POMT2: variants seen among roughly 807,000 people sequenced by gnomAD.
POMT2 encodes protein O-mannosyl-transferase 2.
In POMT2, 75 loss-of-function variants were observed where a neutral mutation model predicts 100.0. That is an observed-to-expected ratio of 0.75 (90% CI 0.62 to 0.91). POMT2 has a LOEUF of 0.91. Among genes scored for constraint, POMT2 ranks in the 40% least tolerant of loss-of-function variants. The probability of loss-of-function intolerance (pLI) is 0.00; values close to 1 mark genes in which losing one functional copy is unlikely to be tolerated. For missense variants in POMT2, 940 were observed against 955.1 expected, an observed-to-expected ratio of 0.98 and a Z score of 0.21; for synonymous variants, 378 against 374.1, an observed-to-expected ratio of 1.01 and a Z score of -0.12.
chr14:77,317,729 T>C (rs956567330), intron 1 of POMT2, among the ~76,000 whole-genome samples: 1 of 152,228 alleles, frequency 6.6e-6, no homozygotes, highest in Non-Finnish European at 1.5e-5. Flanking sequence ...TATAAACCTA[T>C]TTTGAAAATG....
chr14:77,286,935 T>C, intron 11 of POMT2, 113 bp from the exon 12 acceptor site: 15 of 1,556,074 alleles, frequency 9.6e-6, no homozygotes, highest in Non-Finnish European at 1.3e-5. Context: ...AATTAGAATC[T>C]GAACTATTAA....
intron 1 of POMT2, 31 bp downstream of exon 1, chr14:77,320,403 T>C (rs1424597032): frequency 1.3e-6 from 2 of 1,544,458 alleles, no homozygotes; most frequent in Non-Finnish European, 1.7e-6. Flanking sequence ...GCGGTTGCCA[T>C]GGTGCCCGCC....
At chr14:77,310,090 T>G (rs993810229) in intron 2 of POMT2, among the ~76,000 whole-genome samples, 1 of 152,244 alleles carries the variant, frequency 6.6e-6, no homozygotes. Context: ...AAGACTGGGC[T>G]GGGTTTCCTA....
chr14:77,315,604 A>G (rs1175735862), intron 1 of POMT2, among the ~76,000 whole-genome samples: 1 of 152,174 alleles, frequency 6.6e-6, no homozygotes, highest in Admixed American at 6.5e-5. Context: ...GTCGAAGAGG[A>G]TTATCCTGGG....
intron 1 of POMT2, among the ~76,000 whole-genome samples, chr14:77,317,025 C>T (rs1891657393): frequency 6.6e-6 from 1 of 152,214 alleles, no homozygotes; most frequent in Admixed American, 6.5e-5. Context: ...ATCCAGCCTG[C>T]ACCACCAAGA....
Position 77,312,043 on chromosome 14 carries a change from A to G in POMT2, c.249-10T>C. On this transcript the variant is annotated splice_polypyrimidine_tract_variant and intron_variant, in intron 1 of 20. Transcript: ENST00000261534. ...GTGAGTCTCATCCCAACTAAAGGAA[A>G]CACAGAAAGAGAAACAAGAATTTTA... 6.2e-7 allele frequency: 1 copy of G among 1,613,802 alleles called. No individual in the cohort carries two copies. Among genetic ancestry groups the G allele is most frequent in the Non-Finnish European group, 8.5e-7 (1 of 1,179,876 alleles).
rs1316677958 is a variant in POMT2 at position 77,304,749 on chromosome 14, G to A, written c.490C>T (p.Leu164=). 7 of 1,601,204 alleles carry A rather than the reference G, an allele frequency of 4.4e-6. No individual in the cohort carries two copies. The highest frequency in any genetic ancestry group is 6.0e-6 in the Non-Finnish European group (7 of 1,174,852). ...WLVPFAYLTV[L]DLSKSLSAAL... ...GCCGAGAGGGACTTGGACAGATCCA[G>A]TACAGTGAGGTAGGCAAAGGGGACC... Residue 164 remains leucine (L), a synonymous_variant, in exon 4 of 21, where the codon CTG becomes TTG. Transcript: ENST00000261534.
At position 77,303,543 on chromosome 14, in the gene POMT2, C is replaced by G. The variant is rs115876356; in HGVS notation, c.548-600G>C. Among the ~76,000 whole-genome samples, 1,175 of 152,228 alleles carry G rather than the reference C, an allele frequency of 7.7e-3. 16 individuals carry two copies. Among genetic ancestry groups the G allele is most frequent in the African/African-American group, 0.026 (1,092 of 41,526 alleles). On this transcript the variant is annotated intron_variant, in intron 4 of 20. Coordinates refer to ENST00000261534, the MANE Select transcript of POMT2 (RefSeq NM_013382.7). The stretch of plus-strand genomic sequence containing the variant: ...ACACCCTCTGCCTCACTCACTCTGC[C>G]CTTTCCACGCCAGCCTTCTTACTGT...
intron 9 of POMT2, among the ~76,000 whole-genome samples, chr14:77,294,798 C>CT (rs1890765901): frequency 2.0e-5 from 3 of 152,316 alleles, no homozygotes; most frequent in South Asian, 2.1e-4. Flanking sequence ...TCAGGTATGT[C>CT]TTTATCAGCA....
chr14:77,308,808 C>A, intron 2 of POMT2: 1 of 447,936 alleles, frequency 2.2e-6, no homozygotes, highest in East Asian at 7.0e-5. Flanking sequence ...GCATATTCTT[C>A]GATTTTTTAG....
intron 15 of POMT2, among the ~76,000 whole-genome samples, chr14:77,282,993 C>G (rs1890285944): frequency 6.6e-6 from 1 of 152,192 alleles, no homozygotes; most frequent in African/African-American, 2.4e-5. Flanking sequence ...AGGACTACAG[C>G]AGGGGAAAAT....
Position 77,280,418 on chromosome 14 carries a change from G to C in POMT2, c.1699C>G (p.Pro567Ala), listed in dbSNP as rs727502858. Reference sequence around the variant, plus strand: ...TGATAGTTGATAGGCCAGTGCCAGGGTTTGGACGTGAACTCATTGTCCTTG... The same window carrying C: ...TGATAGTTGATAGGCCAGTGCCAGGCTTTGGACGTGAACTCATTGTCCTTG... Reference protein sequence around the residue: ...KPKDNEFTSKPWHWPINYQGL... With the variant: ...KPKDNEFTSKAWHWPINYQGL... The change falls in exon 16 of 21, where the codon CCC (proline) becomes GCC (alanine). Residue 567 changes from proline to alanine, a missense_variant. Physicochemically the swap from Pro to Ala is conservative, Grantham distance 27 (BLOSUM62 -1). Transcript: ENST00000261534. 1 of 1,614,204 alleles carries C rather than the reference G, an allele frequency of 6.2e-7. No individual in the cohort carries two copies. The highest frequency in any genetic ancestry group is 2.2e-5 in the East Asian group (1 of 44,882).
At position 77,296,251 on chromosome 14, in the gene POMT2, G is replaced by T; in HGVS notation, c.1029C>A (p.Ile343=). ...TGGCCATCCGGAGGTTCTTCACAGT[G>T]ATCACAGAGCCGTAGGCCAGGTCTG... ...IPEHLAYGSV[I]TVKNLRMAIG... is the part of the protein sequence containing the mutation. Residue 343 remains isoleucine, a synonymous_variant, in exon 9 of 21, where the codon ATC becomes ATA. Transcript: ENST00000261534. 6.2e-7 allele frequency: 1 copy of T among 1,605,886 alleles called. No homozygotes were observed. The highest frequency in any genetic ancestry group is 1.1e-5 in the South Asian group (1 of 88,976).
At chr14:77,303,073 T>C (rs1891107397) in intron 4 of POMT2, 130 bp from the exon 5 acceptor site, 4 of 740,778 alleles carry the variant, frequency 5.4e-6, no homozygotes, top group Non-Finnish European at 2.4e-6. Context: ...CAGTCAGGAC[T>C]AGAGTCAACA....
chr14:77,279,725 C>T lies in POMT2; in HGVS notation c.1891+98G>A, dbSNP rs144592642. The T allele has an allele frequency of 4.0e-4, 492 of 1,225,268 alleles. 1 individual carries two copies. The African/African-American group carries it at 5.7e-3, about 14-fold the overall frequency. The allele number at this position is 1,225,268 out of a possible 1,614,324, so 75.9% of individuals were successfully genotyped here. On this transcript the variant is annotated intron_variant, in intron 18 of 20. Transcript: ENST00000261534. ...ATAAGGGAAGGTGTGGGGTGGTAAA[C>T]GCAAAGGATGGCCCATCAGCAGGCA...
Position 77,280,394 on chromosome 14 carries a change from G to C in POMT2, c.1723C>G (p.Gln575Glu), listed in dbSNP as rs530533731. 6.2e-7 allele frequency: 1 copy of C among 1,614,020 alleles called. No homozygotes were observed. Among genetic ancestry groups the C allele is most frequent in the African/African-American group, 1.3e-5 (1 of 74,940 alleles). The change falls in exon 16 of 21, where the codon CAG becomes GAG. Residue 575 changes from glutamine (Q) to glutamate (E), a missense_variant and splice_region_variant. Physicochemically the swap from Gln to Glu is conservative, Grantham distance 29. Transcript: ENST00000261534. ...GGAGCCCCAGCCTTGGATCCTACCT[G>C]ATAGTTGATAGGCCAGTGCCAGGGT... ...SKPWHWPINY[Q>E]GLRFSGVNDT...
chr14:77,294,242 C>T (rs969557223), intron 9 of POMT2, among the ~76,000 whole-genome samples: 2 of 152,242 alleles, frequency 1.3e-5, no homozygotes, highest in Non-Finnish European at 2.9e-5. Flanking sequence ...TGTGGCTCCT[C>T]TAATTCCCAC....
At position 77,280,058 on chromosome 14, in the gene POMT2, T is replaced by C. The variant is rs1459635099; in HGVS notation, c.1748A>G (p.Asn583Ser). ...NYQGLRFSGV[N>S]DTDFRVYLLG... ...CAGATAGACTCGGAAATCTGTGTCA[T>C]TGACCCCTGAGAAGCGTAGGCCCTG... is the stretch of plus-strand genomic sequence containing the variant. The change falls in exon 17 of 21, where the codon AAT becomes AGT. Residue 583 changes from asparagine (N) to serine (S), a missense_variant. By Grantham distance (46) the Asn-to-Ser change is conservative (BLOSUM62 1). Coordinates refer to ENST00000261534, the MANE Select transcript of POMT2 (RefSeq NM_013382.7). 3.2e-5 allele frequency: 51 copies of C among 1,613,764 alleles called. No homozygotes were observed. Among genetic ancestry groups the C allele is most frequent in the South Asian group, 4.4e-5 (4 of 91,084 alleles).
intron 1 of POMT2, among the ~76,000 whole-genome samples, chr14:77,316,065 A>G (rs891025595): frequency 1.3e-5 from 2 of 152,174 alleles, no homozygotes; most frequent in Non-Finnish European, 2.9e-5. Flanking sequence ...ACTGAGAGCC[A>G]TGCACCAGAA....
Sources: gnomAD v4.1 joint callset for allele counts (sites outside exome capture counted in the v4.1 genomes callset) on GRCh38, gnomAD v4.1.1 for gene constraint, MANE v1.5 for transcripts, NCBI Gene and HGNC (gene_info 2026-07-23, HGNC 2026-07-21) for gene names.